COLEC12: variants seen among roughly 807,000 people sequenced by gnomAD.
COLEC12 encodes collectin subfamily member 12.
A neutral mutation model predicts 71.1 loss-of-function variants in COLEC12; 33 were observed. The observed-to-expected ratio is 0.46, with a 90% CI of 0.35 to 0.62. The LOEUF is 0.62. Ranked by LOEUF, COLEC12 falls within the 20% of genes least tolerant of loss-of-function variation. COLEC12 has a pLI of 0.00. For missense variants in COLEC12, 765 were observed against 916.1 expected (o/e 0.84, Z 2.13); for synonymous variants, 350 against 353.0 (o/e 0.99, Z 0.10).
At chr18:356,724 C>G (rs1461248283) in intron 3 of COLEC12, among the ~76,000 whole-genome samples, 1 of 152,150 alleles carries the variant, frequency 6.6e-6, no homozygotes, top group African/African-American at 2.4e-5. Context: ...AATCACGACA[C>G]CTTCTACCTA....
At chr18:375,060 T>C (rs1392497070) in intron 2 of COLEC12, among the ~76,000 whole-genome samples, 1 of 152,230 alleles carries the variant, frequency 6.6e-6, no homozygotes, top group Non-Finnish European at 1.5e-5. Context: ...ACTGTTCTCA[T>C]GGGAACCAGC....
intron 2 of COLEC12, among the ~76,000 whole-genome samples, chr18:376,756 C>T (rs1915123383): frequency 3.3e-5 from 5 of 152,142 alleles, no homozygotes; most frequent in South Asian, 4.1e-4. Context: ...CCAAGACTCT[C>T]GTCTTTCTCT....
At chr18:382,268 C>T (rs1573317) in intron 2 of COLEC12, among the ~76,000 whole-genome samples, 19,000 of 152,230 alleles carry the variant, frequency 0.12, 1,421 homozygotes, top group East Asian at 0.26. Context: ...TAGGGAGTCC[C>T]TGTATAAATC....
chr18:452,730 G>T (rs1197732965), intron 2 of COLEC12, among the ~76,000 whole-genome samples: 1 of 152,212 alleles, frequency 6.6e-6, no homozygotes. Context: ...CTGACTTTCA[G>T]ATTTATTTTT....
At chr18:478,806 T>C (rs1438998840) in intron 2 of COLEC12, among the ~76,000 whole-genome samples, 1 of 151,306 alleles carries the variant, frequency 6.6e-6, no homozygotes, top group African/African-American at 2.4e-5. Context: ...CTCTTCTATT[T>C]GTACCGCTTG....
intron 2 of COLEC12, among the ~76,000 whole-genome samples, chr18:418,780 T>A (rs1027254187): frequency 3.9e-5 from 6 of 152,234 alleles, no homozygotes; most frequent in Non-Finnish European, 8.8e-5. Flanking sequence ...AATCCACCCC[T>A]TGTTGAGCAT....
intron 2 of COLEC12, among the ~76,000 whole-genome samples, chr18:440,546 T>C (rs1228634666): frequency 6.6e-6 from 1 of 152,178 alleles, no homozygotes; most frequent in Non-Finnish European, 1.5e-5. Context: ...AAAAAATTCA[T>C]GAGTTTGGAG....
chr18:496,690 T>C (rs917228607), intron 1 of COLEC12, among the ~76,000 whole-genome samples: 1 of 152,232 alleles, frequency 6.6e-6, no homozygotes, highest in South Asian at 2.1e-4. Flanking sequence ...ATTTCAGAAA[T>C]ATTTATGCAC....
chr18:400,533 CT>C (rs372143828), intron 2 of COLEC12, among the ~76,000 whole-genome samples: 11 of 152,152 alleles, frequency 7.2e-5, no homozygotes, highest in African/African-American at 2.7e-4. Context: ...AATTTCACCC[CT>C]AGTACTTTCT....
At chr18:404,359 G>A (rs1302842847) in intron 2 of COLEC12, among the ~76,000 whole-genome samples, 2 of 152,212 alleles carry the variant, frequency 1.3e-5, no homozygotes, top group Non-Finnish European at 2.9e-5. Flanking sequence ...ATTCCAAAAT[G>A]CTGTTTCCTA....
chr18:417,952 C>G (rs1231899902), intron 2 of COLEC12, among the ~76,000 whole-genome samples: 1 of 152,112 alleles, frequency 6.6e-6, no homozygotes, highest in Non-Finnish European at 1.5e-5. Flanking sequence ...ATTTTTGTCC[C>G]TGAGGAGGAT....
intron 2 of COLEC12, among the ~76,000 whole-genome samples, chr18:469,580 C>T (rs1462327675): frequency 2.0e-5 from 3 of 152,120 alleles, no homozygotes; most frequent in African/African-American, 7.2e-5. Context: ...GCATACATCT[C>T]CCAAGAAAAG....
At chr18:328,862 G>T (rs1166236080) in intron 8 of COLEC12, among the ~76,000 whole-genome samples, 1 of 152,148 alleles carries the variant, frequency 6.6e-6, no homozygotes, top group African/African-American at 2.4e-5. Flanking sequence ...TTTCTAGTTT[G>T]TGCAATGTTT....
intron 2 of COLEC12, among the ~76,000 whole-genome samples, chr18:411,063 C>T (rs1292938311): frequency 6.6e-6 from 1 of 152,116 alleles, no homozygotes; most frequent in Non-Finnish European, 1.5e-5. Context: ...ATCAAAAGAA[C>T]CACACGGAGA....
chr18:452,277 CCAT>C (rs2143715847), intron 2 of COLEC12, among the ~76,000 whole-genome samples: 1 of 152,282 alleles, frequency 6.6e-6, no homozygotes, highest in Admixed American at 6.5e-5. Flanking sequence ...CAAACTTCTA[CCAT>C]CTATGGGCCT....
intron 2 of COLEC12, among the ~76,000 whole-genome samples, chr18:406,826 G>A (rs917119481): frequency 5.9e-5 from 9 of 152,202 alleles, no homozygotes; most frequent in Non-Finnish European, 1.2e-4. Context: ...CTCCTCACTC[G>A]GTGCTGGGCT....
intron 2 of COLEC12, among the ~76,000 whole-genome samples, chr18:446,875 A>G (rs1916664806): frequency 1.3e-5 from 2 of 152,220 alleles, no homozygotes; most frequent in South Asian, 4.1e-4. Context: ...TTCAGAATTT[A>G]AAGGTCCTGA....
intron 2 of COLEC12, among the ~76,000 whole-genome samples, chr18:404,581 C>T (rs572083770): frequency 2.0e-5 from 3 of 152,242 alleles, no homozygotes; most frequent in East Asian, 1.9e-4. Flanking sequence ...CAGCTGGAGC[C>T]GTGGCAGAGG....
intron 2 of COLEC12, among the ~76,000 whole-genome samples, chr18:395,502 T>C (rs1224019046): frequency 1.3e-5 from 2 of 152,174 alleles, no homozygotes; most frequent in South Asian, 4.1e-4. Context: ...TTTCAAACGA[T>C]AGAAACAGGG....
Sources: gnomAD v4.1 joint callset for allele counts (sites outside exome capture counted in the v4.1 genomes callset) on GRCh38, gnomAD v4.1.1 for gene constraint, MANE v1.5 for transcripts, NCBI Gene and HGNC (gene_info 2026-07-23, HGNC 2026-07-21) for gene names.